Variants in RASSF3 observed in about 807,000 individuals in gnomAD.
RASSF3 encodes Ras association domain family member 3.
In RASSF3, 19 loss-of-function variants were observed where a neutral mutation model predicts 19.9. The observed-to-expected ratio is 0.96, with a 90% CI of 0.67 to 1.40. The LOEUF is 1.40. RASSF3 is among the 40% of genes most tolerant of loss of function. RASSF3 has a pLI of 0.00. For synonymous variants in RASSF3, 110 were observed against 104.2 expected, an observed-to-expected ratio of 1.06 and a Z score of -0.34; for missense variants, 306 against 289.8, an observed-to-expected ratio of 1.06 and a Z score of -0.41.
intron 1 of RASSF3, among the ~76,000 whole-genome samples, chr12:64,616,470 T>C (rs1870555032): frequency 6.6e-6 from 1 of 152,200 alleles, no homozygotes; most frequent in Non-Finnish European, 1.5e-5. Flanking sequence ...CCCTGGGCAT[T>C]AGCCCTCGCA....
intron 1 of RASSF3, chr12:64,541,498 G>A (rs1452766621): frequency 5.0e-6 from 2 of 397,264 alleles, no homozygotes; most frequent in Admixed American, 4.4e-5. Context: ...GAGCAGGGGA[G>A]GGGGTTCAAT....
At chr12:64,557,688 C>T (rs1441822551) in intron 2 of RASSF3, among the ~76,000 whole-genome samples, 1 of 152,072 alleles carries the variant, frequency 6.6e-6, no homozygotes, top group Non-Finnish European at 1.5e-5. Context: ...AACACAGCAC[C>T]ACAGAGACAT....
intron 1 of RASSF3, among the ~76,000 whole-genome samples, chr12:64,642,365 G>A (rs1026517274): frequency 6.6e-6 from 1 of 151,576 alleles, no homozygotes; most frequent in Non-Finnish European, 1.5e-5. Context: ...TTCAAGACAA[G>A]CCTGGCCAAA....
intron 2 of RASSF3, among the ~76,000 whole-genome samples, chr12:64,557,897 C>A (rs929950387): frequency 1.3e-5 from 2 of 152,006 alleles, no homozygotes; most frequent in Admixed American, 1.3e-4. Flanking sequence ...TAATTGGGTC[C>A]CCTGGTCAGA....
intron 1 of RASSF3, among the ~76,000 whole-genome samples, chr12:64,536,133 G>T (rs1868822648): frequency 6.6e-6 from 1 of 151,756 alleles, no homozygotes; most frequent in South Asian, 2.1e-4. Flanking sequence ...CGAGTAGCTG[G>T]GACTATAGGC....
At chr12:64,536,023 G>T (rs1250452046) in intron 1 of RASSF3, among the ~76,000 whole-genome samples, 1 of 111,684 alleles carries the variant, frequency 9.0e-6, no homozygotes, top group Non-Finnish European at 1.8e-5. Context: ...TTTTGAGACG[G>T]AGTCTTGCTC....
At chr12:64,617,914 G>A (rs975923368) in intron 1 of RASSF3, among the ~76,000 whole-genome samples, 4 of 152,190 alleles carry the variant, frequency 2.6e-5, no homozygotes, top group African/African-American at 7.2e-5. Flanking sequence ...CCTGTTTTAC[G>A]TCCCTGTGTA....
chr12:64,689,804 T>TTTTTTTTTTTTTTTTTTA (rs11272662), intron 3 of RASSF3, among the ~76,000 whole-genome samples: 4 of 146,418 alleles, frequency 2.7e-5, no homozygotes, highest in African/African-American at 7.5e-5. Context: ...TTTTTTTTTT[T>TTTTTTTTTTTTTTTTTTA]GAGACGGAGT....
At chr12:64,661,579 T>C (rs1872359599) in intron 1 of RASSF3, among the ~76,000 whole-genome samples, 1 of 152,056 alleles carries the variant, frequency 6.6e-6, no homozygotes, top group East Asian at 1.9e-4. Flanking sequence ...AAGTCCTAGC[T>C]AGCTGCTTGG....
chr12:64,570,974 T>C (rs1869508595), intron 2 of RASSF3, among the ~76,000 whole-genome samples: 1 of 151,970 alleles, frequency 6.6e-6, no homozygotes. Flanking sequence ...TCCTAGAACT[T>C]TGGGAGGCCG....
intron 2 of RASSF3, among the ~76,000 whole-genome samples, chr12:64,591,181 A>G (rs1869914928): frequency 6.6e-6 from 1 of 152,116 alleles, no homozygotes; most frequent in Non-Finnish European, 1.5e-5. Flanking sequence ...ACCTCTTATT[A>G]TAGAAGTCAA....
intron 2 of RASSF3, among the ~76,000 whole-genome samples, chr12:64,554,710 T>C (rs577511515): frequency 6.6e-6 from 1 of 152,344 alleles, no homozygotes. Context: ...GGGATGACAG[T>C]GAACCCAACT....
upstream of RASSF3, among the ~76,000 whole-genome samples, chr12:64,530,875 A>G (rs537760571): frequency 1.3e-5 from 2 of 152,136 alleles, no homozygotes; most frequent in South Asian, 4.2e-4. Context: ...TTTTTTGTGA[A>G]GTCTGTTTAT....
chr12:64,625,886 C>T (rs887239712), intron 1 of RASSF3, among the ~76,000 whole-genome samples: 4 of 152,076 alleles, frequency 2.6e-5, no homozygotes, highest in Admixed American at 6.6e-5. Context: ...TCTGCTTGGC[C>T]GACTCTTCAG....
intron 2 of RASSF3, among the ~76,000 whole-genome samples, chr12:64,580,861 C>T (rs941729347): frequency 5.3e-5 from 8 of 152,050 alleles, no homozygotes; most frequent in African/African-American, 1.9e-4. Context: ...GATTAGAGTC[C>T]ATCCTACTGA....
intron 1 of RASSF3, among the ~76,000 whole-genome samples, chr12:64,633,336 A>T (rs1464044204): frequency 1.3e-5 from 2 of 152,116 alleles, no homozygotes; most frequent in African/African-American, 4.8e-5. Context: ...AGTGGGAGGT[A>T]TTGGATTATG....
chr12:64,516,917 T>C (rs1179226206), intron 1 of RASSF3, among the ~76,000 whole-genome samples: 2 of 144,194 alleles, frequency 1.4e-5, no homozygotes, highest in East Asian at 4.0e-4. Context: ...GAGAATCAAT[T>C]GAACCTGGGA....
chr12:64,575,414 G>A lies in RASSF3; in HGVS notation c.294+33709G>A, dbSNP rs772195810. On this transcript the variant is annotated intron_variant, in intron 2 of 5. Transcript: ENST00000637125. The stretch of plus-strand genomic sequence containing the variant: ...TAAAAATACAAAAAATTAGCCAGGC[G>A]TGGTGGTGGACACCTGTAGTCCCAG... Among the ~76,000 whole-genome samples, 14 of 152,216 alleles carry A rather than the reference G, an allele frequency of 9.2e-5. 1 individual carries two copies. Among genetic ancestry groups the A allele is most frequent in the South Asian group, 2.1e-4 (1 of 4,830 alleles).
intron 2 of RASSF3, among the ~76,000 whole-genome samples, chr12:64,559,450 T>C (rs1219777828): frequency 6.6e-6 from 1 of 151,894 alleles, no homozygotes; most frequent in Non-Finnish European, 1.5e-5. Context: ...GTTGTATTTT[T>C]AGTAGAGATG....
Sources: gnomAD v4.1 joint callset for allele counts (sites outside exome capture counted in the v4.1 genomes callset) on GRCh38, gnomAD v4.1.1 for gene constraint, MANE v1.5 for transcripts, NCBI Gene and HGNC (gene_info 2026-07-23, HGNC 2026-07-21) for gene names.